ULBP1: variants seen among roughly 807,000 people sequenced by gnomAD.
The protein encoded by ULBP1 is UL16 binding protein 1.
In ULBP1, 28 loss-of-function variants were observed where a neutral mutation model predicts 25.3. That is an observed-to-expected ratio of 1.10 (90% CI 0.82 to 1.51). The LOEUF is 1.51. Among genes scored for constraint, ULBP1 ranks in the 40% most tolerant of loss-of-function variants. The pLI is 0.00. For synonymous variants in ULBP1, 129 were observed against 103.0 expected, an observed-to-expected ratio of 1.25 and a Z score of -1.53; for missense variants, 348 against 290.9, an observed-to-expected ratio of 1.20 and a Z score of -1.43.
In ULBP1 at chr6:149,970,017, A is replaced by G. The variant is rs1582827578; in HGVS notation, c.627A>G (p.Lys209=). The change falls in exon 4 of 5, where the codon AAA becomes AAG. Residue 209 remains lysine (K), a splice_region_variant and synonymous_variant. Transcript: ENST00000229708. ...MYWEQMLDPT[K]PPSLAPGTTQ... ...GTCACTCCTGTGTTTCCATTTCAGA[A>G]CCACCCTCTCTGGCCCCAGGCACAA... 5 of 1,610,788 alleles carry G rather than the reference A, an allele frequency of 3.1e-6. No individual in the cohort carries two copies. The highest frequency in any genetic ancestry group is 4.2e-6 in the Non-Finnish European group (5 of 1,178,604).
chr6:149,973,506 G>C lies in ULBP1; in HGVS notation c.*2160G>C, dbSNP rs1396756978. 2 of 152,066 alleles carry C rather than the reference G, an allele frequency of 1.3e-5. No individual in the cohort carries two copies. The highest frequency in any genetic ancestry group is 2.1e-4 in the South Asian group (1 of 4,826). 9.4% of individuals were successfully genotyped at this position (152,066 alleles called of 1,614,324 possible). A position where few individuals can be genotyped will look rare whatever the true frequency, so the allele number is the denominator to read the frequency against. ...GAATAAATAAAATAAAATGACACAA[G>C]GCCAAAAACAAATGGGTTTAACTGA... On this transcript the variant is annotated 3_prime_UTR_variant, in exon 5 of 5. Coordinates refer to ENST00000229708, the MANE Select transcript of ULBP1 (RefSeq NM_025218.4).
rs1779333392 is a variant in ULBP1 at position 149,972,388 on chromosome 6, T to C, written c.*1042T>C. 6.6e-6 allele frequency: 1 copy of C among 152,132 alleles called. No individual in the cohort carries two copies. Among genetic ancestry groups the C allele is most frequent in the African/African-American group, 2.4e-5 (1 of 41,438 alleles). 9.4% of individuals were successfully genotyped at this position (152,132 alleles called of 1,614,324 possible). A position where few individuals can be genotyped will look rare whatever the true frequency, so the allele number is the denominator to read the frequency against. ...GGATGAAAGATTTAAATATAAGTAC[T>C]AAAACTGTAAAAATCCTGGAATATA... On this transcript the variant is annotated 3_prime_UTR_variant, in exon 5 of 5. Coordinates refer to ENST00000229708, the MANE Select transcript of ULBP1 (RefSeq NM_025218.4).
rs1386503378 is a variant in ULBP1 at position 149,973,463 on chromosome 6, T to C, written c.*2117T>C. On this transcript the variant is annotated 3_prime_UTR_variant, in exon 5 of 5. Transcript: ENST00000229708. ...ACCTGTATATGTACCTTGTATTATATAGGTTGAAATTAAAGATGAATAAAT... is the reference window on the plus strand; with the variant it reads ...ACCTGTATATGTACCTTGTATTATACAGGTTGAAATTAAAGATGAATAAAT... 1 of 152,190 alleles carries C rather than the reference T, an allele frequency of 6.6e-6. No homozygotes were observed. Among genetic ancestry groups the C allele is most frequent in the Non-Finnish European group, 1.5e-5 (1 of 68,034 alleles). 9.4% of individuals were successfully genotyped at this position (152,190 alleles called of 1,614,324 possible). A position where few individuals can be genotyped will look rare whatever the true frequency, so the allele number is the denominator to read the frequency against.
At chr6:149,970,653 C>G (rs565241486) in intron 4 of ULBP1, among the ~76,000 whole-genome samples, 57 of 152,370 alleles carry the variant, frequency 3.7e-4, no homozygotes, top group African/African-American at 1.3e-3. Flanking sequence ...CCAGAGAAAG[C>G]AGCTCGGGTC....
chr6:149,969,984 C>G lies in ULBP1; in HGVS notation c.626-32C>G, dbSNP rs770609656. The stretch of plus-strand genomic sequence containing the variant: ...CATCCCCTAAGATTTTGAGCCTGGA[C>G]AAGGGTTGTCACTCCTGTGTTTCCA... On this transcript the variant is annotated intron_variant, in intron 3 of 4. Coordinates refer to ENST00000229708, the MANE Select transcript of ULBP1 (RefSeq NM_025218.4). 1.1e-5 allele frequency: 17 copies of G among 1,589,222 alleles called. No individual in the cohort carries two copies. In the East Asian group the frequency reaches 3.8e-4, roughly 36 times the overall value.
At chr6:149,969,908 G>C in intron 3 of ULBP1, 108 bp from the exon 4 acceptor site, 2 of 1,443,924 alleles carry the variant, frequency 1.4e-6, no homozygotes, top group Non-Finnish European at 1.9e-6. Context: ...AGCAGAGGGG[G>C]ACAAAAGGTC....
rs1250463983 is a variant in ULBP1, at chr6:149,964,172, A to C, written c.85+38A>C. 1.9e-6 allele frequency: 3 copies of C among 1,611,766 alleles called. No individual in the cohort carries two copies. In the African/African-American group the frequency reaches 4.0e-5, roughly 22 times the overall value. On this transcript the variant is annotated intron_variant, in intron 1 of 4. Coordinates refer to ENST00000229708, the MANE Select transcript of ULBP1 (RefSeq NM_025218.4). ...ATGTAGCCTAAGCAGGGCGGGGGCC[A>C]AACCTGGGAGGTTGTGGACTGCAGC...
At chr6:149,965,595 G>C (rs1173541416) in intron 1 of ULBP1, among the ~76,000 whole-genome samples, 4 of 152,112 alleles carry the variant, frequency 2.6e-5, no homozygotes, top group Admixed American at 2.6e-4. Context: ...GAGTTCCACA[G>C]GGACGCGATC....
rs1779332055 is a variant in ULBP1, at chr6:149,972,299, A to T, written c.*953A>T. 1 of 152,210 alleles carries T rather than the reference A, an allele frequency of 6.6e-6. No individual in the cohort carries two copies. The allele number at this position is 152,210 out of a possible 1,614,324, so 9.4% of individuals were successfully genotyped here. A position where few individuals can be genotyped will look rare whatever the true frequency, so the allele number is the denominator to read the frequency against. ...AAATTAGTGCTGGAATATCTGGCCAACCATATGCAGAAGAATGAAACTGAA... is the reference window on the plus strand; with the variant it reads ...AAATTAGTGCTGGAATATCTGGCCATCCATATGCAGAAGAATGAAACTGAA... On this transcript the variant is annotated 3_prime_UTR_variant, in exon 5 of 5. Transcript: ENST00000229708.
chr6:149,968,832 AACTGCTTG>A lies in ULBP1; in HGVS notation c.314_321del (p.Leu105HisfsTer10). The A allele has an allele frequency of 1.2e-6, 2 of 1,614,240 alleles. No homozygotes were observed. The highest frequency in any genetic ancestry group is 1.7e-6 in the Non-Finnish European group (2 of 1,180,036). On this transcript the variant is annotated frameshift_variant, in exon 2 of 5. Coordinates refer to ENST00000229708, the MANE Select transcript of ULBP1 (RefSeq NM_025218.4). LOFTEE classifies it high-confidence loss of function. ...GACGTGGTGGATTTCCTTAAAGGGC[AACTGCTTG>A]ACATTCAAGTGGAGAATTTAATACC...
At chr6:149,970,774 C>T (rs752423914) in intron 4 of ULBP1, among the ~76,000 whole-genome samples, 13 of 152,252 alleles carry the variant, frequency 8.5e-5, no homozygotes, top group Non-Finnish European at 1.6e-4. Context: ...GGGCGATGCC[C>T]CTGCCATTCT....
Position 149,964,159 on chromosome 6 carries a change from C to A in ULBP1, c.85+25C>A, listed in dbSNP as rs369354857. Reference sequence around the variant, plus strand: ...GGTGAGTTCGGGGATGTAGCCTAAGCAGGGCGGGGGCCAAACCTGGGAGGT... The same window carrying A: ...GGTGAGTTCGGGGATGTAGCCTAAGAAGGGCGGGGGCCAAACCTGGGAGGT... On this transcript the variant is annotated intron_variant, in intron 1 of 4. Coordinates refer to ENST00000229708, the MANE Select transcript of ULBP1 (RefSeq NM_025218.4). The A allele has an allele frequency of 4.3e-6, 7 of 1,613,568 alleles. No homozygotes were observed. The African/African-American group carries it at 9.3e-5, about 22-fold the overall frequency.
rs1199653025 is a variant in ULBP1 at position 149,972,658 on chromosome 6, C to A, written c.*1312C>A. ...TCTACAAGGAACTTAAACAATTCAA[C>A]AAGCAAGAAGAAAAAACCCAATTAA... On this transcript the variant is annotated 3_prime_UTR_variant, in exon 5 of 5. Transcript: ENST00000229708. 11 of 152,162 alleles carry A rather than the reference C, an allele frequency of 7.2e-5. No homozygotes were observed. The highest frequency in any genetic ancestry group is 2.6e-4 in the Admixed American group (4 of 15,280). 9.4% of individuals were successfully genotyped at this position (152,162 alleles called of 1,614,324 possible).
At position 149,964,012 on chromosome 6, in the gene ULBP1, C is replaced by A; in HGVS notation, c.-38C>A. 1.2e-6 allele frequency: 2 copies of A among 1,607,830 alleles called. No individual in the cohort carries two copies. The highest frequency in any genetic ancestry group is 1.7e-6 in the Non-Finnish European group (2 of 1,175,234). On this transcript the variant is annotated 5_prime_UTR_variant, in exon 1 of 5. Coordinates refer to ENST00000229708, the MANE Select transcript of ULBP1 (RefSeq NM_025218.4). The stretch of plus-strand genomic sequence containing the variant: ...GCCGTGGTGTGAGCCTCGAAGGGAA[C>A]CATCAGCGCCTCCTGTCCACGGAGC...
At chr6:149,965,837 A>C (rs1004418964) in intron 1 of ULBP1, among the ~76,000 whole-genome samples, 2 of 151,828 alleles carry the variant, frequency 1.3e-5, no homozygotes, top group East Asian at 1.9e-4. Flanking sequence ...CCCTGTCACC[A>C]CACAGGCCTC....
chr6:149,965,286 G>A (rs1237836916), intron 1 of ULBP1, among the ~76,000 whole-genome samples: 1 of 125,628 alleles, frequency 8.0e-6, no homozygotes, highest in African/African-American at 3.7e-5. Flanking sequence ...CGATCCCCCA[G>A]AACATCGCGG....
Position 149,964,128 on chromosome 6 carries a change from T to C in ULBP1, c.79T>C (p.Trp27Arg). 1 of 1,614,162 alleles carries C rather than the reference T, an allele frequency of 6.2e-7. No homozygotes were observed. The highest frequency in any genetic ancestry group is 1.1e-5 in the South Asian group (1 of 91,084). Residue 27 changes from tryptophan (W) to arginine (R), a missense_variant, in exon 1 of 5, where the codon TGG becomes CGG. Trp to Arg is a moderately radical substitution (Grantham distance 101). Transcript: ENST00000229708. ...GCTGTCTGGCTGGTCCCGGGCAGGATGGGTCGGTGAGTTCGGGGATGTAGC... is the reference window on the plus strand; with the variant it reads ...GCTGTCTGGCTGGTCCCGGGCAGGACGGGTCGGTGAGTTCGGGGATGTAGC... ...HLLSGWSRAG[W>R]VDTHCLCYDF...
At chr6:149,965,958 A>T (rs568376538) in intron 1 of ULBP1, among the ~76,000 whole-genome samples, 5 of 151,928 alleles carry the variant, frequency 3.3e-5, no homozygotes, top group Non-Finnish European at 7.4e-5. Context: ...GGCTTTCCAC[A>T]AAACTTAATG....
intron 1 of ULBP1, among the ~76,000 whole-genome samples, chr6:149,964,799 T>C (rs1389933123): frequency 2.6e-4 from 21 of 81,052 alleles, no homozygotes; most frequent in East Asian, 8.3e-4. Context: ...TCGCGATCCC[T>C]CCGAACATCG....
Sources: allele counts gnomAD v4.1 joint callset (sites outside exome capture counted in the v4.1 genomes callset), GRCh38; gene constraint gnomAD v4.1.1; transcripts MANE v1.5; gene names NCBI Gene and HGNC (gene_info 2026-07-23, HGNC 2026-07-21).